The following TAFA2 variants were observed in gnomAD, a reference collection of about 807,000 sequenced individuals.
TAFA2 encodes the protein TAFA chemokine like family member 2.
In TAFA2, 7 loss-of-function variants were observed where a neutral mutation model predicts 18.8. The ratio of observed to expected loss-of-function variants is 0.37; its 90% CI spans 0.21 to 0.70. TAFA2 has a LOEUF of 0.70. Ranked by LOEUF, TAFA2 falls within the 30% of genes least tolerant of loss-of-function variation. The pLI is 0.53. For synonymous variants in TAFA2, 60 were observed against 54.2 expected (o/e 1.11, Z -0.47); for missense variants, 122 against 158.1 (o/e 0.77, Z 1.23).
chr12:62,088,651 AG>A (rs1868566168), intron 1 of TAFA2, among the ~76,000 whole-genome samples: 2 of 151,270 alleles, frequency 1.3e-5, no homozygotes, highest in African/African-American at 2.4e-5. Flanking sequence ...GAAATTAGTT[AG>A]AAAAAAGCAT....
intron 1 of TAFA2, among the ~76,000 whole-genome samples, chr12:62,247,848 A>G (rs904520041): frequency 2.6e-5 from 4 of 152,224 alleles, no homozygotes; most frequent in African/African-American, 9.6e-5. Flanking sequence ...TTATTCAAAT[A>G]AGTTGCAACT....
Position 61,720,774 on chromosome 12 carries a change from T to A in TAFA2, c.385-10357A>T, listed in dbSNP as rs558925314. On this transcript the variant is annotated intron_variant, in intron 4 of 4. Transcript: ENST00000416284. ...TGAAACTTCTGTCCCTTCCTTAGAATCCGACCAACACTAGGATTCGCCACA... is the reference window on the plus strand; with the variant it reads ...TGAAACTTCTGTCCCTTCCTTAGAAACCGACCAACACTAGGATTCGCCACA... 120 of 398,008 alleles carry A rather than the reference T, an allele frequency of 3.0e-4. 1 individual carries two copies. The highest frequency in any genetic ancestry group is 1.4e-3 in the South Asian group (72 of 52,808). 24.7% of individuals were successfully genotyped at this position (398,008 alleles called of 1,614,324 possible).
chr12:61,859,048 A>T (rs2121187774), intron 2 of TAFA2, among the ~76,000 whole-genome samples: 1 of 152,342 alleles, frequency 6.6e-6, no homozygotes, highest in African/African-American at 2.4e-5. Flanking sequence ...ATATTAGTCC[A>T]TTTTCATACT....
At chr12:62,051,386 C>T (rs958390611) in intron 1 of TAFA2, among the ~76,000 whole-genome samples, 7 of 152,108 alleles carry the variant, frequency 4.6e-5, no homozygotes, top group Non-Finnish European at 1.0e-4. Context: ...AGATCATGCT[C>T]TATGGTAGGT....
intron 1 of TAFA2, among the ~76,000 whole-genome samples, chr12:62,186,763 T>C (rs2062588531): frequency 1.3e-5 from 2 of 152,174 alleles, no homozygotes; most frequent in South Asian, 2.1e-4. Flanking sequence ...TCCTTAGTTA[T>C]ATATCTCATA....
At chr12:61,754,243 T>A (rs1344469611) in intron 3 of TAFA2, among the ~76,000 whole-genome samples, 1 of 151,956 alleles carries the variant, frequency 6.6e-6, no homozygotes, top group Admixed American at 6.6e-5. Flanking sequence ...TTATCATAAT[T>A]TTTTTAACTG....
At chr12:61,717,526 A>T (rs1869714630) in intron 4 of TAFA2, among the ~76,000 whole-genome samples, 1 of 152,170 alleles carries the variant, frequency 6.6e-6, no homozygotes, top group Non-Finnish European at 1.5e-5. Flanking sequence ...TTATTTTAAC[A>T]CTTTGAGATA....
At chr12:62,096,772 G>T (rs928971484) in intron 1 of TAFA2, among the ~76,000 whole-genome samples, 1 of 152,080 alleles carries the variant, frequency 6.6e-6, no homozygotes, top group East Asian at 1.9e-4. Context: ...TGTCACTCTC[G>T]TGCAGTTTGC....
intron 4 of TAFA2, among the ~76,000 whole-genome samples, chr12:61,753,296 A>G (rs891233019): frequency 6.6e-6 from 1 of 152,068 alleles, no homozygotes; most frequent in African/African-American, 2.4e-5. Context: ...TTAGAAAAAT[A>G]AAGGATTGGG....
chr12:61,795,683 A>G (rs979550814), intron 2 of TAFA2, among the ~76,000 whole-genome samples: 1 of 152,002 alleles, frequency 6.6e-6, no homozygotes, highest in Admixed American at 6.6e-5. Flanking sequence ...TATGTAACAA[A>G]CCTGCATGTT....
chr12:61,996,729 C>T (rs979968389), intron 1 of TAFA2, among the ~76,000 whole-genome samples: 1 of 152,192 alleles, frequency 6.6e-6, no homozygotes, highest in Non-Finnish European at 1.5e-5. Context: ...CCTGGCATCA[C>T]TTCCCCAAAT....
intron 2 of TAFA2, among the ~76,000 whole-genome samples, chr12:61,807,174 G>A (rs1254311510): frequency 1.3e-5 from 2 of 151,248 alleles, no homozygotes; most frequent in African/African-American, 4.9e-5. Flanking sequence ...TTGTGGGCTG[G>A]GCCCAGGTTC....
intron 1 of TAFA2, among the ~76,000 whole-genome samples, chr12:61,984,650 A>C (rs1418961744): frequency 3.3e-5 from 5 of 152,126 alleles, no homozygotes; most frequent in Admixed American, 6.6e-5. Flanking sequence ...TGTACATGGG[A>C]TATTATTCAG....
At chr12:61,824,926 A>G (rs1872480517) in intron 2 of TAFA2, among the ~76,000 whole-genome samples, 1 of 152,180 alleles carries the variant, frequency 6.6e-6, no homozygotes, top group Non-Finnish European at 1.5e-5. Context: ...TCAGAACAGA[A>G]GAAAATAAAT....
At chr12:62,210,019 T>C (rs1175862229) in intron 1 of TAFA2, among the ~76,000 whole-genome samples, 3 of 151,878 alleles carry the variant, frequency 2.0e-5, no homozygotes, top group Non-Finnish European at 4.4e-5. Context: ...GCTAACACAG[T>C]GAAACCCCGT....
At chr12:62,069,944 G>C (rs1882585048) in intron 1 of TAFA2, among the ~76,000 whole-genome samples, 2 of 152,108 alleles carry the variant, frequency 1.3e-5, no homozygotes, top group Non-Finnish European at 2.9e-5. Context: ...ATGTTGCAAG[G>C]TGGCCTTACT....
intron 1 of TAFA2, among the ~76,000 whole-genome samples, chr12:61,935,561 G>C (rs851906): frequency 0.04 from 6,155 of 152,132 alleles, 218 homozygotes; most frequent in African/African-American, 0.1. Flanking sequence ...ATTTATACAA[G>C]CTTAACAAGA....
intron 2 of TAFA2, among the ~76,000 whole-genome samples, chr12:61,836,748 T>A (rs1278090375): frequency 6.9e-6 from 1 of 144,110 alleles, no homozygotes; most frequent in African/African-American, 2.5e-5. Context: ...TATATATATA[T>A]ATATATATAC....
intron 1 of TAFA2, among the ~76,000 whole-genome samples, chr12:62,146,101 A>G (rs1341532804): frequency 6.6e-6 from 1 of 152,074 alleles, no homozygotes; most frequent in Non-Finnish European, 1.5e-5. Context: ...TGCCAAATCT[A>G]ACATCTATCC....
Sources: allele counts gnomAD v4.1 joint callset (sites outside exome capture counted in the v4.1 genomes callset), GRCh38; gene constraint gnomAD v4.1.1; transcripts MANE v1.5; gene names NCBI Gene and HGNC (gene_info 2026-07-23, HGNC 2026-07-21).